RBFOX1: variants seen among roughly 807,000 people sequenced by gnomAD.
RBFOX1 encodes the protein RNA binding protein fox-1 homolog 1.
Under a neutral mutation model 57.7 loss-of-function variants are expected in RBFOX1, and 8 were observed. The ratio of observed to expected loss-of-function variants is 0.14; its 90% confidence interval spans 0.08 to 0.25. The LOEUF (loss-of-function observed/expected upper bound fraction) is 0.25. Among genes scored for constraint, RBFOX1 ranks in the 10% least tolerant of loss-of-function variants. The pLI, the probability that RBFOX1 is intolerant of heterozygous loss-of-function variation, is 1.00. For synonymous variants in RBFOX1, 326 were observed against 222.4 expected (o/e 1.47, Z -4.15); for missense variants, 611 against 548.5 (o/e 1.11, Z -1.14).
At chr16:6,189,442 G>C (rs562657354) in intron 1 of RBFOX1, among the ~76,000 whole-genome samples, 2 of 152,186 alleles carry the variant, frequency 1.3e-5, no homozygotes, top group Admixed American at 6.5e-5. Flanking sequence ...CAGTGACAGA[G>C]AACTGTTGGG....
At chr16:6,118,809 C>G (rs1216089899) in intron 1 of RBFOX1, among the ~76,000 whole-genome samples, 2 of 151,144 alleles carry the variant, frequency 1.3e-5, no homozygotes, top group African/African-American at 4.9e-5. Context: ...TTCCTTCCTT[C>G]CTTCCTTCCC....
chr16:6,999,747 C>G lies in RBFOX1; in HGVS notation c.-15-52310C>G, dbSNP rs116735158. Among the ~76,000 whole-genome samples the G allele has an allele frequency of 6.2e-3, 949 of 151,904 alleles. 17 individuals carry two copies. Among genetic ancestry groups the G allele is most frequent in the African/African-American group, 0.022 (906 of 41,432 alleles). On this transcript the variant is annotated intron_variant, in intron 3 of 15. Coordinates refer to ENST00000550418, the MANE Select transcript of RBFOX1 (RefSeq NM_018723.4). ...AAAATGAAACTTTTTAAAAAAAGAA[C>G]TGTATTGTCATTAATGTTATTATGC...
chr16:6,983,847 A>G (rs1473138273), intron 3 of RBFOX1: 1 of 152,468 alleles, frequency 6.6e-6, no homozygotes. Flanking sequence ...TGGGAGGCCC[A>G]TGCATGCAGC....
intron 4 of RBFOX1, among the ~76,000 whole-genome samples, chr16:7,421,359 A>G (rs879543431): frequency 6.6e-6 from 1 of 152,208 alleles, no homozygotes; most frequent in Admixed American, 6.5e-5. Context: ...TATTTATGGC[A>G]CATGTATTTG....
chr16:7,182,926 C>G (rs925161071), intron 4 of RBFOX1, among the ~76,000 whole-genome samples: 2 of 152,180 alleles, frequency 1.3e-5, no homozygotes, highest in African/African-American at 4.8e-5. Flanking sequence ...CATAAATTAT[C>G]TTATTTTCTT....
At position 6,097,890 on chromosome 16, in the gene RBFOX1, T is replaced by A. The variant is rs2096264076; in HGVS notation, c.-127+77898T>A. Among the ~76,000 whole-genome samples, 1 of 152,178 alleles carries A rather than the reference T, an allele frequency of 6.6e-6. No homozygotes were observed. Among genetic ancestry groups the A allele is most frequent in the African/African-American group, 2.4e-5 (1 of 41,450 alleles). ...GATTTGTGCATGGCTATTTTGCGAT[T>A]TGCCATTGCTGGAATATTTAGCAAG... On this transcript the variant is annotated intron_variant, in intron 1 of 15. Coordinates refer to ENST00000550418, the MANE Select transcript of RBFOX1 (RefSeq NM_018723.4). This position sits in a 1 kb window ranked among gnomAD's most constrained non-coding sequence, Gnocchi z 5.0.
intron 2 of RBFOX1, among the ~76,000 whole-genome samples, chr16:6,561,899 G>A (rs1263682994): frequency 6.6e-6 from 1 of 152,142 alleles, no homozygotes; most frequent in Non-Finnish European, 1.5e-5. Flanking sequence ...GCAGCACTTT[G>A]CCTAATGAGT....
In RBFOX1 at chr16:7,273,293, G is replaced by T. The variant is rs1241074227; in HGVS notation, c.27+221195G>T. ...TTCTCTTTTTCTCATCTATGAGCCA[G>T]AATGTTACGCTAAGTTTTGGAAACA... On this transcript the variant is annotated intron_variant, in intron 4 of 15. Coordinates refer to ENST00000550418, the MANE Select transcript of RBFOX1 (RefSeq NM_018723.4). Among the ~76,000 whole-genome samples the T allele has an allele frequency of 9.4e-5, 13 of 138,782 alleles. No individual in the cohort carries two copies. In the Admixed American group the frequency reaches 1.0e-3, roughly 11 times the overall value. 91.0% of individuals were successfully genotyped at this position (138,782 alleles called of 152,430 possible).
chr16:6,609,150 G>A (rs1567866363), intron 2 of RBFOX1, among the ~76,000 whole-genome samples: 1 of 152,084 alleles, frequency 6.6e-6, no homozygotes, highest in Admixed American at 6.6e-5. Flanking sequence ...CATGTCATAT[G>A]ATACATTCGC....
At chr16:5,962,996 G>T (rs188294830) in intron 4 of RBFOX1, among the ~76,000 whole-genome samples, 2 of 152,118 alleles carry the variant, frequency 1.3e-5, no homozygotes, top group East Asian at 3.9e-4. Context: ...AATTTAGAAA[G>T]TGTTAACTTA....
At chr16:6,553,857 G>C (rs761532497) in intron 2 of RBFOX1, among the ~76,000 whole-genome samples, 1 of 152,110 alleles carries the variant, frequency 6.6e-6, no homozygotes, top group Non-Finnish European at 1.5e-5. Context: ...GAATTGACAA[G>C]AGTCCTTGGA....
At chr16:6,807,061 T>C (rs1032597702) in intron 3 of RBFOX1, among the ~76,000 whole-genome samples, 1 of 151,782 alleles carries the variant, frequency 6.6e-6, no homozygotes, top group African/African-American at 2.4e-5. Flanking sequence ...CTTGAACTCC[T>C]GACCTCAAGT....
intron 4 of RBFOX1, among the ~76,000 whole-genome samples, chr16:5,907,104 G>A (rs1448931587): frequency 3.3e-5 from 5 of 152,090 alleles, no homozygotes; most frequent in African/African-American, 1.2e-4. Flanking sequence ...GGGGTTGGAG[G>A]GGTGTACGCA....
intron 4 of RBFOX1, among the ~76,000 whole-genome samples, chr16:7,285,294 A>G (rs1295708660): frequency 1.3e-5 from 2 of 152,082 alleles, no homozygotes; most frequent in African/African-American, 4.8e-5. Context: ...TGGCAAAATT[A>G]AAGTACAGTG....
Position 7,518,163 on chromosome 16 carries a change from C to A in RBFOX1, c.44C>A (p.Ala15Asp). ...REQLRGNQEAAAAPDTMAQPY... is the reference protein window; with the variant it reads ...REQLRGNQEADAAPDTMAQPY... ...ATTTTTCAGGGTAATCAGGAAGCAG[C>A]CGCTGCCCCTGACACAATGGCTCAG... Residue 15 changes from alanine (A) to aspartate (D), a missense_variant, in exon 5 of 16, where the codon GCC (alanine) becomes GAC (aspartate). Ala to Asp is a moderately radical substitution (Grantham distance 126). This residue lies in a region of RBFOX1 where 245 missense variants were observed against 159.1 expected (regional missense o/e 1.54). Coordinates refer to ENST00000550418, the MANE Select transcript of RBFOX1 (RefSeq NM_018723.4). The A allele has an allele frequency of 6.2e-7, 1 of 1,611,752 alleles. No homozygotes were observed. Among genetic ancestry groups the A allele is most frequent in the Non-Finnish European group, 8.5e-7 (1 of 1,178,758 alleles).
intron 4 of RBFOX1, among the ~76,000 whole-genome samples, chr16:7,094,792 TGAGAG>T (rs1473449600): frequency 7.4e-5 from 9 of 121,076 alleles, no homozygotes; most frequent in Admixed American, 4.1e-4. Context: ...GTGTGTGTGT[TGAGAG>T]AGAGAGAGAT....
At chr16:6,601,378 T>C (rs2097850978) in intron 2 of RBFOX1, among the ~76,000 whole-genome samples, 2 of 152,118 alleles carry the variant, frequency 1.3e-5, no homozygotes, top group Admixed American at 1.3e-4. Flanking sequence ...GAGATGAAGG[T>C]GAGAGTTACG....
intron 4 of RBFOX1, among the ~76,000 whole-genome samples, chr16:7,138,861 T>G (rs1004075886): frequency 6.6e-6 from 1 of 152,070 alleles, no homozygotes; most frequent in African/African-American, 2.4e-5. Context: ...TAGCCTGGAG[T>G]GCAATGGTGT....
At chr16:5,944,693 G>A (rs1352311767) in intron 4 of RBFOX1, among the ~76,000 whole-genome samples, 32 of 149,864 alleles carry the variant, frequency 2.1e-4, no homozygotes, top group Admixed American at 2.0e-3. Context: ...GGTGGCTCAC[G>A]CCTGTAATCC....
Sources: allele counts gnomAD v4.1 joint callset (sites outside exome capture counted in the v4.1 genomes callset), GRCh38; gene constraint gnomAD v4.1.1; regional missense constraint gnomAD v4.1.1; non-coding constraint Gnocchi (gnomAD v3.1); transcripts MANE v1.5; gene names NCBI Gene and HGNC (gene_info 2026-07-23, HGNC 2026-07-21).